Variants in CADM2 observed in about 807,000 individuals in gnomAD.
CADM2 encodes cell adhesion molecule 2, also known as immunoglobulin superfamily member 4D.
In CADM2, 12 loss-of-function variants were observed where a neutral mutation model predicts 49.8. The observed-to-expected ratio is 0.24, with a 90% confidence interval of 0.15 to 0.39. The LOEUF is 0.39. Ranked by LOEUF, CADM2 falls within the 10% of genes least tolerant of loss-of-function variation. CADM2 has a pLI of 1.00. For synonymous variants in CADM2, 214 were observed against 175.4 expected, an observed-to-expected ratio of 1.22 and a Z score of -1.74; for missense variants, 378 against 492.3, an observed-to-expected ratio of 0.77 and a Z score of 2.20.
chr3:84,960,499 A>G (rs905003137), intron 1 of CADM2: 2 of 151,942 alleles, frequency 1.3e-5, no homozygotes, highest in African/African-American at 4.8e-5. Flanking sequence ...TTTTTTAACC[A>G]AAGAAATATA....
chr3:85,300,340 C>T (rs964842426), intron 1 of CADM2, among the ~76,000 whole-genome samples: 3 of 152,094 alleles, frequency 2.0e-5, no homozygotes, highest in African/African-American at 7.2e-5. Flanking sequence ...TTACTTCATT[C>T]TGAAATTGTT....
chr3:86,052,368 A>T (rs1248968198), intron 8 of CADM2, among the ~76,000 whole-genome samples: 1 of 152,122 alleles, frequency 6.6e-6, no homozygotes, highest in Non-Finnish European at 1.5e-5. Flanking sequence ...TTATTATAAC[A>T]TATAGTGTGG....
chr3:86,029,304 G>C (rs1001294855), intron 8 of CADM2, among the ~76,000 whole-genome samples: 1 of 152,040 alleles, frequency 6.6e-6, no homozygotes, highest in Non-Finnish European at 1.5e-5. Context: ...GAGGCTGAGA[G>C]GCAATTTAGG....
At chr3:85,335,024 A>G (rs1237818306) in intron 1 of CADM2, among the ~76,000 whole-genome samples, 2 of 151,482 alleles carry the variant, frequency 1.3e-5, no homozygotes, top group African/African-American at 4.8e-5. Context: ...CAGTCATATT[A>G]AAATATTTCT....
In CADM2 at chr3:85,316,532, T is replaced by C. The variant is rs114559761; in HGVS notation, c.61+356864T>C. Among the ~76,000 whole-genome samples, 900 of 152,312 alleles carry C rather than the reference T, an allele frequency of 5.9e-3. 6 individuals carry two copies. Among genetic ancestry groups the C allele is most frequent in the African/African-American group, 0.02 (851 of 41,566 alleles). ...GCATTTTGGGTGCTTTTGTGAAATA[T>C]TTGTTAAATAGGTTTTGCCTTTTGT... On this transcript the variant is annotated intron_variant, in intron 1 of 9. Transcript: ENST00000383699.
At chr3:85,236,192 C>T (rs1475118308) in intron 1 of CADM2, among the ~76,000 whole-genome samples, 2 of 152,012 alleles carry the variant, frequency 1.3e-5, no homozygotes, top group Admixed American at 6.6e-5. Flanking sequence ...CTTGCTAGTC[C>T]TTTCCACAAA....
chr3:85,511,323 C>T (rs2040607549), intron 1 of CADM2, among the ~76,000 whole-genome samples: 1 of 152,094 alleles, frequency 6.6e-6, no homozygotes. Context: ...CATTTCCAGT[C>T]TTACCACAGA....
chr3:85,910,535 T>A (rs1024533418), intron 5 of CADM2, among the ~76,000 whole-genome samples: 3 of 152,100 alleles, frequency 2.0e-5, no homozygotes, highest in African/African-American at 7.2e-5. Context: ...AGTGCAAAAA[T>A]CTTAGTAAAT....
chr3:85,733,898 G>C (rs924372137), intron 2 of CADM2, among the ~76,000 whole-genome samples: 1 of 152,090 alleles, frequency 6.6e-6, no homozygotes, highest in Non-Finnish European at 1.5e-5. Context: ...TACAGCTTCT[G>C]TGTGGGGGTT....
chr3:85,880,070 T>C (rs994528321), intron 3 of CADM2, among the ~76,000 whole-genome samples: 4 of 152,176 alleles, frequency 2.6e-5, no homozygotes, highest in Admixed American at 2.0e-4. Flanking sequence ...ATAATTTTGT[T>C]ATCTCAAAAC....
chr3:85,376,785 T>C (rs550796478), intron 1 of CADM2, among the ~76,000 whole-genome samples: 2 of 152,136 alleles, frequency 1.3e-5, no homozygotes, highest in Admixed American at 6.6e-5. Flanking sequence ...GTTTATACAA[T>C]TGAGTAATTT....
At chr3:85,305,590 T>C (rs1395987482) in intron 1 of CADM2, among the ~76,000 whole-genome samples, 1 of 151,666 alleles carries the variant, frequency 6.6e-6, no homozygotes, top group African/African-American at 2.4e-5. Flanking sequence ...CTACCAACAA[T>C]AATGTTTATT....
intron 6 of CADM2, among the ~76,000 whole-genome samples, chr3:85,921,197 T>C (rs1719056221): frequency 6.6e-6 from 1 of 151,996 alleles, no homozygotes; most frequent in African/African-American, 2.4e-5. Flanking sequence ...TATTCTACTT[T>C]ATGTCTATTT....
intron 1 of CADM2, among the ~76,000 whole-genome samples, chr3:85,523,694 A>G (rs551421650): frequency 4.4e-4 from 67 of 152,164 alleles, no homozygotes; most frequent in Middle Eastern, 3.4e-3. Flanking sequence ...TGATTTTATT[A>G]TCTTCTTTTT....
At chr3:84,977,128 T>A (rs541522846) in intron 1 of CADM2, among the ~76,000 whole-genome samples, 1 of 151,976 alleles carries the variant, frequency 6.6e-6, no homozygotes, top group Non-Finnish European at 1.5e-5. Flanking sequence ...TATAGATCTT[T>A]AGCGCCTTTA....
intron 6 of CADM2, among the ~76,000 whole-genome samples, chr3:85,919,596 A>C (rs1185204905): frequency 6.6e-6 from 1 of 151,898 alleles, no homozygotes; most frequent in Non-Finnish European, 1.5e-5. Context: ...CTTCTTGATG[A>C]TTATATCTCT....
chr3:85,363,890 C>T lies in CADM2; in HGVS notation c.62-362632C>T, dbSNP rs529423608. Among the ~76,000 whole-genome samples, 6 of 152,316 alleles carry T rather than the reference C, an allele frequency of 3.9e-5. No homozygotes were observed. The East Asian group carries it at 5.8e-4, about 15-fold the overall frequency. On this transcript the variant is annotated intron_variant, in intron 1 of 9. Coordinates refer to ENST00000383699, the MANE Select transcript of CADM2 (RefSeq NM_001167675.2). ...CCTCCTAAAGTGCTGGGATTACAGGCGTGAGCCACCGCGCCCGGCCTTGAT... is the reference window on the plus strand; with the variant it reads ...CCTCCTAAAGTGCTGGGATTACAGGTGTGAGCCACCGCGCCCGGCCTTGAT...
intron 1 of CADM2, among the ~76,000 whole-genome samples, chr3:85,107,225 A>C (rs535893003): frequency 8.9e-4 from 136 of 152,312 alleles, no homozygotes; most frequent in African/African-American, 3.2e-3. Flanking sequence ...GAGGGTTTAG[A>C]AAAGTTGAAA....
intron 1 of CADM2, among the ~76,000 whole-genome samples, chr3:85,395,782 G>A (rs1027026450): frequency 1.3e-5 from 2 of 151,806 alleles, no homozygotes; most frequent in African/African-American, 4.8e-5. Flanking sequence ...AGTGATTGAA[G>A]TGAATTCTTG....
Sources: allele counts gnomAD v4.1 joint callset (sites outside exome capture counted in the v4.1 genomes callset), GRCh38; gene constraint gnomAD v4.1.1; transcripts MANE v1.5; gene names NCBI Gene and HGNC (gene_info 2026-07-23, HGNC 2026-07-21).